CORO1A: variants seen among roughly 807,000 people sequenced by gnomAD.
CORO1A encodes the protein coronin 1A, also known as coronin-1A.
CORO1A carries 17 observed loss-of-function variants against 44.1 expected under a neutral mutation model. The ratio of observed to expected loss-of-function variants is 0.39; its 90% CI spans 0.26 to 0.58. The LOEUF is 0.58. Ranked by LOEUF, CORO1A falls within the 20% of genes least tolerant of loss-of-function variation. The pLI is 0.62. For synonymous variants in CORO1A, 271 were observed against 244.2 expected (o/e 1.11, Z -1.02); for missense variants, 415 against 606.5 (o/e 0.68, Z 3.32).
At chr16:30,187,919 C>A (rs375783340) in intron 7 of CORO1A, 23 bp from the exon 8 acceptor site, 37 of 1,613,458 alleles carry the variant, frequency 2.3e-5, no homozygotes, top group African/African-American at 5.3e-5. Flanking sequence ...TATTGACCCT[C>A]CCTCCACACC....
At position 30,185,262 on chromosome 16, in the gene CORO1A, C is replaced by G; in HGVS notation, c.53C>G (p.Pro18Arg). The G allele has an allele frequency of 6.2e-7, 1 of 1,614,202 alleles. No individual in the cohort carries two copies. The highest frequency in any genetic ancestry group is 8.5e-7 in the Non-Finnish European group (1 of 1,180,030). Reference sequence around the variant, plus strand: ...AAGTTCCGCCACGTGTTTGGACAGCCGGCCAAGGCCGACCAGTGCTATGAA... The same window carrying G: ...AAGTTCCGCCACGTGTTTGGACAGCGGGCCAAGGCCGACCAGTGCTATGAA... ...SSKFRHVFGQ[P>R]AKADQCYEDV... The change falls in exon 2 of 11, where the codon CCG (proline) becomes CGG (arginine). Residue 18 changes from proline (P) to arginine (R), a missense_variant. Transcript: ENST00000219150.
In CORO1A at chr16:30,188,378, G is replaced by A; in HGVS notation, c.1083G>A (p.Glu361=). ...GCCCACAGTCGGACCTGTTCCAGGAGGACCTGTACCCACCCACCGCAGGGC... is the reference window on the plus strand; with the variant it reads ...GCCCACAGTCGGACCTGTTCCAGGAAGACCTGTACCCACCCACCGCAGGGC... The part of the protein sequence containing the change: ...TVPRKSDLFQ[E]DLYPPTAGPD... The change falls in exon 10 of 11, where the codon GAG becomes GAA. Residue 361 remains glutamate (E), a synonymous_variant. Transcript: ENST00000219150. 1 of 1,613,896 alleles carries A rather than the reference G, an allele frequency of 6.2e-7. No individual in the cohort carries two copies. Among genetic ancestry groups the A allele is most frequent in the Non-Finnish European group, 8.5e-7 (1 of 1,180,022 alleles).
rs1196878804 is a variant in CORO1A at position 30,183,949 on chromosome 16, G to C, written c.-2+224G>C. The C allele has an allele frequency of 6.6e-6, 1 of 152,100 alleles. No homozygotes were observed. The highest frequency in any genetic ancestry group is 6.5e-5 in the Admixed American group (1 of 15,274). 9.4% of individuals were successfully genotyped at this position (152,100 alleles called of 1,614,324 possible). On this transcript the variant is annotated intron_variant, in intron 1 of 10. Coordinates refer to ENST00000219150, the MANE Select transcript of CORO1A (RefSeq NM_007074.4). This position sits in a 1 kb window ranked among gnomAD's most constrained non-coding sequence, Gnocchi z 5.0. ...GGAGGCGAGGGCTAGGGACCACCGC[G>C]GCCAAGATGGAGGTGGGTGGCCGGG...
chr16:30,185,972 G>A (rs1596917012), intron 2 of CORO1A: 4 of 197,276 alleles, frequency 2.0e-5, no homozygotes, highest in East Asian at 2.5e-4. Context: ...TGGGCCCCAA[G>A]TTGTTACCTT....
chr16:30,186,610 G>A lies in CORO1A; in HGVS notation c.211G>A (p.Asp71Asn). 1 of 1,612,406 alleles carries A rather than the reference G, an allele frequency of 6.2e-7. No homozygotes were observed. ...VLPLGKTGRV[D>N]KNAPTVCGHT... ...GCTGTGCCTTTAGACTGGACGTGTG[G>A]ACAAGAATGCGCCCACGGTCTGTGG... Residue 71 changes from aspartate (D) to asparagine (N), a missense_variant, in exon 3 of 11, where the codon GAC becomes AAC. Physicochemically the swap from Asp to Asn is conservative, Grantham distance 23. Coordinates refer to ENST00000219150, the MANE Select transcript of CORO1A (RefSeq NM_007074.4).
In CORO1A at chr16:30,188,392, C is replaced by A. The variant is rs150857828; in HGVS notation, c.1097C>A (p.Pro366His). Residue 366 changes from proline to histidine, a missense_variant, in exon 10 of 11, where the codon CCC (proline) becomes CAC (histidine). Physicochemically the swap from Pro to His is moderately conservative, Grantham distance 77. Transcript: ENST00000219150. ...CTGTTCCAGGAGGACCTGTACCCACCCACCGCAGGGCCCGACCCTGCCCTC... is the reference window on the plus strand; with the variant it reads ...CTGTTCCAGGAGGACCTGTACCCACACACCGCAGGGCCCGACCCTGCCCTC... ...SDLFQEDLYP[P>H]TAGPDPALTA... 3.0e-3 allele frequency: 4,767 copies of A among 1,613,852 alleles called. 14 individuals are homozygous for A. The highest frequency in any genetic ancestry group is 3.1e-3 in the Non-Finnish European group (3,693 of 1,180,020).
At position 30,187,849 on chromosome 16, in the gene CORO1A, T is replaced by TGGGGGGGGGGGGGG. The variant is rs762867240; in HGVS notation, c.861+25_861+26insGGGGGGGGGGGGGG. On this transcript the variant is annotated intron_variant, in intron 7 of 10. Transcript: ENST00000219150. ...GGCAAGGTGGCCTCGTCGGGCGGGG[T>TGGGGGGGGGGGGGG]GGGGGTGGGAGGTGGGCAGGATGGG... 3 of 72,564 alleles carry TGGGGGGGGGGGGGG rather than the reference T, an allele frequency of 4.1e-5. No individual in the cohort carries two copies. The highest frequency in any genetic ancestry group is 2.1e-4 in the Admixed American group (1 of 4,738). 4.5% of individuals were successfully genotyped at this position (72,564 alleles called of 1,614,324 possible).
intron 2 of CORO1A, 59 bp from the exon 3 acceptor site, chr16:30,186,539 G>A: frequency 7.5e-6 from 12 of 1,605,100 alleles, no homozygotes; most frequent in Non-Finnish European, 1.0e-5. Context: ...AGGAGGTGTG[G>A]GGAGGTTGGA....
intron 2 of CORO1A, 50 bp downstream of exon 2, chr16:30,185,457 C>G: frequency 6.5e-7 from 1 of 1,543,286 alleles, no homozygotes. Context: ...GGACCCATGG[C>G]TCTGTGCAGG....
chr16:30,185,153 C>A (rs993792313), intron 1 of CORO1A, 56 bp from the exon 2 acceptor site: 1 of 1,573,088 alleles, frequency 6.4e-7, no homozygotes, highest in African/African-American at 1.3e-5. Flanking sequence ...GTGGGGACCA[C>A]TGGAAGATCA....
chr16:30,185,116 G>A, intron 1 of CORO1A, 93 bp from the exon 2 acceptor site: 1 of 1,293,430 alleles, frequency 7.7e-7, no homozygotes, highest in Non-Finnish European at 1.1e-6. Context: ...GACCTTAAAA[G>A]CCAGACTGAG....
At chr16:30,186,455 C>A in intron 2 of CORO1A, 143 bp from the exon 3 acceptor site, 1 of 987,972 alleles carries the variant, frequency 1.0e-6, no homozygotes, top group Non-Finnish European at 1.6e-6. Context: ...GAAGAACAAC[C>A]CGCCCCCGTC....
chr16:30,188,549 A>C lies in CORO1A; in HGVS notation c.1254A>C (p.Ala418=), dbSNP rs779332294. Residue 418 remains alanine, a synonymous_variant, in exon 10 of 11, where the codon GCA becomes GCC. Transcript: ENST00000219150. ...RGLDTGRRRA[A]PEASGTPSSD... is the part of the protein sequence containing the mutation. ...TGGACACCGGGCGCAGGAGGGCAGC[A>C]CCAGAGGCCAGTGGCACTCCCAGCT... 1 of 1,462,982 alleles carries C rather than the reference A, an allele frequency of 6.8e-7. No homozygotes were observed. The highest frequency in any genetic ancestry group is 1.1e-5 in the South Asian group (1 of 89,046). The allele number at this position is 1,462,982 out of a possible 1,614,324, so 90.6% of individuals were successfully genotyped here. A position where few individuals can be genotyped will look rare whatever the true frequency, so the allele number is the denominator to read the frequency against.
rs2073318065 is a variant in CORO1A, at chr16:30,185,081, A to T, written c.-1-128A>T. On this transcript the variant is annotated intron_variant, in intron 1 of 10. Transcript: ENST00000219150. Reference sequence around the variant, plus strand: ...AGGCATCAGCCACAGAGGGAAGAATAGGGAGCCCCTGGAGATGATGCTGGG... The same window carrying T: ...AGGCATCAGCCACAGAGGGAAGAATTGGGAGCCCCTGGAGATGATGCTGGG... 14 of 875,956 alleles carry T rather than the reference A, an allele frequency of 1.6e-5. No individual in the cohort carries two copies. The South Asian group carries it at 2.0e-4, about 12-fold the overall frequency. The allele number at this position is 875,956 out of a possible 1,614,324, so 54.3% of individuals were successfully genotyped here. A position where few individuals can be genotyped will look rare whatever the true frequency, so the allele number is the denominator to read the frequency against.
In CORO1A at chr16:30,186,835, G is replaced by C; in HGVS notation, c.341G>C (p.Gly114Ala). The change falls in exon 4 of 11, where the codon GGG becomes GCG. Residue 114 changes from glycine to alanine, a missense_variant. Coordinates refer to ENST00000219150, the MANE Select transcript of CORO1A (RefSeq NM_007074.4). ...CTVMVWEIPD[G>A]GLMLPLREPV... ...CTGCAGGTGTGGGAGATCCCAGATG[G>C]GGGCCTGATGCTGCCCCTGCGGGAG... 1 of 1,611,276 alleles carries C rather than the reference G, an allele frequency of 6.2e-7. No individual in the cohort carries two copies. Among genetic ancestry groups the C allele is most frequent in the Non-Finnish European group, 8.5e-7 (1 of 1,179,990 alleles).
chr16:30,187,524 G>C (rs556055190), intron 6 of CORO1A, 23 bp downstream of exon 6: 5 of 1,596,276 alleles, frequency 3.1e-6, no homozygotes, highest in Non-Finnish European at 3.4e-6. Flanking sequence ...GCAGGAAGCC[G>C]AGGGCCCCCA....
intron 7 of CORO1A, 26 bp from the exon 8 acceptor site, chr16:30,187,916 C>G: frequency 6.2e-7 from 1 of 1,612,234 alleles, no homozygotes; most frequent in Non-Finnish European, 8.5e-7. Context: ...TGGTATTGAC[C>G]CTCCCTCCAC....
chr16:30,187,466 C>A lies in CORO1A; in HGVS notation c.721C>A (p.Arg241Ser). The A allele has an allele frequency of 3.1e-6, 5 of 1,608,710 alleles. No individual in the cohort carries two copies. The highest frequency in any genetic ancestry group is 3.4e-6 in the Non-Finnish European group (4 of 1,179,980). ...GAAGATCCTGACCACGGGCTTCAGC[C>A]GCATGAGTGAGCGGCAGGTGGCGCT... ...EGKILTTGFS[R>S]MSERQVALWD... Residue 241 changes from arginine (R) to serine (S), a missense_variant, in exon 6 of 11, where the codon CGC becomes AGC. By Grantham distance (110) the Arg-to-Ser change is moderately radical. Transcript: ENST00000219150.
intron 2 of CORO1A, chr16:30,186,223 A>AC (rs1001642782): frequency 9.6e-5 from 32 of 335,016 alleles, no homozygotes; most frequent in South Asian, 2.9e-4. Context: ...AGCTGCCTCC[A>AC]CCCCCCCAGC....
Sources: gnomAD v4.1 joint callset for allele counts on GRCh38, gnomAD v4.1.1 for gene constraint, Gnocchi (gnomAD v3.1) non-coding constraint, MANE v1.5 for transcripts, NCBI Gene and HGNC (gene_info 2026-07-23, HGNC 2026-07-21) for gene names.